The following EMP2 variants were observed in gnomAD, a reference collection of about 807,000 sequenced individuals.
EMP2 encodes the protein epithelial membrane protein 2.
A neutral mutation model predicts 13.7 loss-of-function variants in EMP2; 19 were observed. The observed-to-expected ratio is 1.38, with a 90% CI of 0.97 to 2.03. The LOEUF (loss-of-function observed/expected upper bound fraction) is 2.03. Ranked by LOEUF, EMP2 falls within the 30% of genes most tolerant of loss-of-function variation. EMP2 has a pLI of 0.00. For synonymous variants in EMP2, 97 were observed against 84.7 expected (o/e 1.15, Z -0.80); for missense variants, 253 against 220.7 (o/e 1.15, Z -0.93).
At chr16:10,561,552 G>GA (rs1385297300) in intron 1 of EMP2, among the ~76,000 whole-genome samples, 1 of 152,174 alleles carries the variant, frequency 6.6e-6, no homozygotes, top group Non-Finnish European at 1.5e-5. Context: ...GAAAAGACTA[G>GA]AAAAATGGGA....
At chr16:10,533,726 C>A (rs1417176003) in intron 4 of EMP2, among the ~76,000 whole-genome samples, 2 of 152,302 alleles carry the variant, frequency 1.3e-5, no homozygotes, top group East Asian at 1.9e-4. Flanking sequence ...AGTTTGCCAA[C>A]CTTCTTCTTG....
Position 10,567,039 on chromosome 16 carries a change from C to A in EMP2, c.-61+13510G>T, listed in dbSNP as rs147734959. Reference sequence around the variant, plus strand: ...CTTCATTCAGCCCCAACTCCTAAGTCAGCAGAGAAGCCTCCCCAACTTTTC... The same window carrying A: ...CTTCATTCAGCCCCAACTCCTAAGTAAGCAGAGAAGCCTCCCCAACTTTTC... On this transcript the variant is annotated intron_variant, in intron 1 of 4. Transcript: ENST00000359543. Among the ~76,000 whole-genome samples the A allele has an allele frequency of 2.4e-3, 369 of 152,342 alleles. 4 individuals carry two copies. The highest frequency in any genetic ancestry group is 8.6e-3 in the African/African-American group (359 of 41,576).
chr16:10,541,325 T>C (rs986216092), intron 3 of EMP2, among the ~76,000 whole-genome samples: 3 of 152,148 alleles, frequency 2.0e-5, no homozygotes, highest in African/African-American at 7.2e-5. Flanking sequence ...ACTTTTTCAG[T>C]AGAGGGACAG....
intron 1 of EMP2, among the ~76,000 whole-genome samples, chr16:10,571,397 C>T (rs1446806739): frequency 1.3e-5 from 2 of 151,972 alleles, no homozygotes; most frequent in East Asian, 3.9e-4. Context: ...ACACTGGGGG[C>T]ACCTTAAACC....
intron 4 of EMP2, among the ~76,000 whole-genome samples, chr16:10,533,410 T>C (rs1373873215): frequency 6.6e-6 from 1 of 152,224 alleles, no homozygotes; most frequent in Non-Finnish European, 1.5e-5. Context: ...TGTGGAAGGA[T>C]ATTGTCACCT....
At chr16:10,571,317 G>GA (rs2050946064) in intron 1 of EMP2, among the ~76,000 whole-genome samples, 3 of 148,168 alleles carry the variant, frequency 2.0e-5, no homozygotes, top group Non-Finnish European at 4.5e-5. Flanking sequence ...GAGTGGGCTA[G>GA]AGGAGAAAGC....
At chr16:10,568,206 T>C (rs533291269) in intron 1 of EMP2, among the ~76,000 whole-genome samples, 34 of 152,274 alleles carry the variant, frequency 2.2e-4, no homozygotes, top group Non-Finnish European at 3.2e-4. Flanking sequence ...CCCCCACCAA[T>C]AGGTGCTAAA....
chr16:10,528,948 T>G lies in EMP2; in HGVS notation c.*3957A>C, dbSNP rs997375386. 1 of 152,080 alleles carries G rather than the reference T, an allele frequency of 6.6e-6. No homozygotes were observed. The highest frequency in any genetic ancestry group is 2.4e-5 in the African/African-American group (1 of 41,412). The allele number at this position is 152,080 out of a possible 1,614,324, so 9.4% of individuals were successfully genotyped here. On this transcript the variant is annotated 3_prime_UTR_variant, in exon 5 of 5. Coordinates refer to ENST00000359543, the MANE Select transcript of EMP2 (RefSeq NM_001424.6). ...AGAGCGCCAGCCTGTTCATGAGGGGTGTCCACAAAAGCACGCAAACTATAG... is the reference window on the plus strand; with the variant it reads ...AGAGCGCCAGCCTGTTCATGAGGGGGGTCCACAAAAGCACGCAAACTATAG...
chr16:10,562,779 G>T (rs13332785), intron 1 of EMP2, among the ~76,000 whole-genome samples: 1 of 152,096 alleles, frequency 6.6e-6, no homozygotes, highest in East Asian at 1.9e-4. Flanking sequence ...AGTGCCCAAG[G>T]TTGCTCAGCA....
At position 10,531,031 on chromosome 16, in the gene EMP2, GGTGAATCT is replaced by G. The variant is rs2050595594; in HGVS notation, c.*1866_*1873del. ...ACTGTCGCCTGGGCTGGAGTGCAGT[GGTGAATCT>G]CGGCTCACTGCGACCTCCGCCTCCC... On this transcript the variant is annotated 3_prime_UTR_variant, in exon 5 of 5. Transcript: ENST00000359543. The G allele has an allele frequency of 6.6e-6, 1 of 152,266 alleles. No individual in the cohort carries two copies. Among genetic ancestry groups the G allele is most frequent in the Admixed American group, 6.5e-5 (1 of 15,284 alleles). The allele number at this position is 152,266 out of a possible 1,614,324, so 9.4% of individuals were successfully genotyped here. A position where few individuals can be genotyped will look rare whatever the true frequency, so the allele number is the denominator to read the frequency against.
intron 1 of EMP2, among the ~76,000 whole-genome samples, chr16:10,552,993 GAAGTA>G (rs1156243859): frequency 6.6e-6 from 1 of 152,174 alleles, no homozygotes; most frequent in African/African-American, 2.4e-5. Flanking sequence ...AAACAACAGA[GAAGTA>G]AAGGTCTCCT....
At chr16:10,533,281 T>C (rs1419559264) in intron 4 of EMP2, among the ~76,000 whole-genome samples, 189 bp from the exon 5 acceptor site, 1 of 152,022 alleles carries the variant, frequency 6.6e-6, no homozygotes, top group Non-Finnish European at 1.5e-5. Context: ...CAAGCAATCC[T>C]CCTGCCTCGG....
intron 4 of EMP2, among the ~76,000 whole-genome samples, chr16:10,535,730 A>C (rs556967126): frequency 6.6e-6 from 1 of 152,246 alleles, no homozygotes; most frequent in Admixed American, 6.5e-5. Context: ...AAGTTAAATG[A>C]CAGGATTCAA....
At chr16:10,578,868 T>G (rs561544854) in intron 1 of EMP2, among the ~76,000 whole-genome samples, 34 of 152,348 alleles carry the variant, frequency 2.2e-4, no homozygotes, top group Non-Finnish European at 4.1e-4. Flanking sequence ...GCTGTAGTCT[T>G]GGCATTTGCC....
rs928984518 is a variant in EMP2 at position 10,528,889 on chromosome 16, G to A, written c.*4016C>T. 2.6e-5 allele frequency: 4 copies of A among 152,178 alleles called. No individual in the cohort carries two copies. Among genetic ancestry groups the A allele is most frequent in the Non-Finnish European group, 4.4e-5 (3 of 68,038 alleles). 9.4% of individuals were successfully genotyped at this position (152,178 alleles called of 1,614,324 possible). On this transcript the variant is annotated 3_prime_UTR_variant, in exon 5 of 5. Coordinates refer to ENST00000359543, the MANE Select transcript of EMP2 (RefSeq NM_001424.6). ...GTTTACAAACAGGCTTGGAGTTCTA[G>A]GTTTCTTCATCATCAGTGAACACAG...
intron 1 of EMP2, among the ~76,000 whole-genome samples, chr16:10,567,085 C>CCT (rs1444004333): frequency 6.6e-6 from 1 of 152,178 alleles, no homozygotes; most frequent in Non-Finnish European, 1.5e-5. Flanking sequence ...GATCTGCCTG[C>CCT]CTTCAGCTCT....
intron 1 of EMP2, among the ~76,000 whole-genome samples, chr16:10,550,206 A>G (rs564957944): frequency 4.6e-5 from 7 of 152,060 alleles, no homozygotes; most frequent in Non-Finnish European, 7.4e-5. Flanking sequence ...TTACATAACC[A>G]CACTATGATG....
intron 1 of EMP2, among the ~76,000 whole-genome samples, chr16:10,552,367 C>G (rs1432347057): frequency 1.3e-5 from 2 of 152,162 alleles, no homozygotes; most frequent in African/African-American, 2.4e-5. Flanking sequence ...TTAACCCATT[C>G]TTTCCCAAAG....
At chr16:10,564,294 C>A (rs2050892280) in intron 1 of EMP2, among the ~76,000 whole-genome samples, 1 of 152,030 alleles carries the variant, frequency 6.6e-6, no homozygotes, top group Non-Finnish European at 1.5e-5. Context: ...AGTTCAAGAC[C>A]AGCCTGGCCA....
Sources: gnomAD v4.1 joint callset for allele counts (sites outside exome capture counted in the v4.1 genomes callset) on GRCh38, gnomAD v4.1.1 for gene constraint, MANE v1.5 for transcripts, NCBI Gene and HGNC (gene_info 2026-07-23, HGNC 2026-07-21) for gene names.